KLHDC2: variants seen among roughly 807,000 people sequenced by gnomAD.
The protein encoded by KLHDC2 is kelch domain containing 2, also known as kelch domain-containing protein 2.
Under a neutral mutation model 62.3 loss-of-function variants are expected in KLHDC2, and 38 were observed. The ratio of observed to expected loss-of-function variants is 0.61; its 90% CI spans 0.47 to 0.80. The LOEUF is 0.80. Ranked by LOEUF, KLHDC2 falls within the 30% of genes least tolerant of loss-of-function variation. The probability of loss-of-function intolerance (pLI) is 0.00; values close to 1 mark genes in which losing one functional copy is unlikely to be tolerated. For synonymous variants in KLHDC2, 159 were observed against 161.0 expected (o/e 0.99, Z 0.09); for missense variants, 430 against 495.3 (o/e 0.87, Z 1.25).
intron 1 of KLHDC2, 137 bp downstream of exon 1, chr14:49,768,758 C>T (rs907340963): frequency 9.0e-6 from 7 of 774,466 alleles, no homozygotes; most frequent in South Asian, 2.1e-5. Context: ...AGACTCTGCC[C>T]GTTGGTTGTT....
At position 49,784,779 on chromosome 14, in the gene KLHDC2, A is replaced by G; in HGVS notation, c.*1826A>G. Reference sequence around the variant, plus strand: ...GGTCAATCATGTTTCTTTTATGACAAAAACGAAAAACATTTCCAAACTTTT... The same window carrying G: ...GGTCAATCATGTTTCTTTTATGACAGAAACGAAAAACATTTCCAAACTTTT... On this transcript the variant is annotated 3_prime_UTR_variant, in exon 13 of 13. Coordinates refer to ENST00000298307, the MANE Select transcript of KLHDC2 (RefSeq NM_014315.3). 4.0e-6 allele frequency: 6 copies of G among 1,483,474 alleles called. No individual in the cohort carries two copies. The highest frequency in any genetic ancestry group is 1.2e-5 in the South Asian group (1 of 84,330). The allele number at this position is 1,483,474 out of a possible 1,614,324, so 91.9% of individuals were successfully genotyped here.
intron 9 of KLHDC2, 90 bp downstream of exon 9, chr14:49,780,412 G>A: frequency 1.1e-6 from 1 of 889,436 alleles, no homozygotes; most frequent in Admixed American, 1.9e-5. Context: ...TGATGAGACG[G>A]CTTATAGGGT....
Position 49,770,425 on chromosome 14 carries a change from AAAG to A in KLHDC2, c.154-1165_154-1163del, listed in dbSNP as rs572609821. Among the ~76,000 whole-genome samples, 39 of 152,312 alleles carry A rather than the reference AAAG, an allele frequency of 2.6e-4. No homozygotes were observed. The East Asian group carries it at 2.7e-3, about 11-fold the overall frequency. ...TCCCTTCATCACTGGTGGGGTGGAA[AAAG>A]AAGTTGTTTTACGTGGTCAACTGTT... On this transcript the variant is annotated intron_variant, in intron 1 of 12. Coordinates refer to ENST00000298307, the MANE Select transcript of KLHDC2 (RefSeq NM_014315.3).
At chr14:49,775,824 G>A (rs940789046) in intron 3 of KLHDC2, among the ~76,000 whole-genome samples, 6 of 151,864 alleles carry the variant, frequency 4.0e-5, no homozygotes, top group African/African-American at 1.5e-4. Flanking sequence ...ACAGGGTTTC[G>A]CCACGTTGGC....
At chr14:49,771,175 CCT>C (rs1343523308) in intron 1 of KLHDC2, among the ~76,000 whole-genome samples, 9 of 151,974 alleles carry the variant, frequency 5.9e-5, no homozygotes, top group African/African-American at 2.2e-4. Flanking sequence ...ATGGTGAAAC[CCT>C]GTCTCTACTA....
chr14:49,770,028 T>A (rs1188026128), intron 1 of KLHDC2, among the ~76,000 whole-genome samples: 2 of 152,102 alleles, frequency 1.3e-5, no homozygotes, highest in Non-Finnish European at 2.9e-5. Flanking sequence ...GTAAATTAAT[T>A]CCCCTGGAGA....
At chr14:49,777,994 A>C in intron 4 of KLHDC2, 40 bp downstream of exon 4, 1 of 1,277,080 alleles carries the variant, frequency 7.8e-7, no homozygotes, top group Admixed American at 1.8e-5. Context: ...TTTATGTGTA[A>C]AGTGGTTTAC....
intron 9 of KLHDC2, 61 bp from the exon 10 acceptor site, chr14:49,780,642 C>A: frequency 1.8e-6 from 2 of 1,082,654 alleles, no homozygotes; most frequent in Non-Finnish European, 2.9e-6. Flanking sequence ...CAAAGCTGTG[C>A]CCTTTAAATG....
intron 9 of KLHDC2, 128 bp from the exon 10 acceptor site, chr14:49,780,575 G>A (rs1889873584): frequency 4.1e-6 from 3 of 736,640 alleles, no homozygotes; most frequent in Non-Finnish European, 4.8e-6. Context: ...TTGCAGGGGG[G>A]GGAAAAAAAA....
At position 49,783,096 on chromosome 14, in the gene KLHDC2, C is replaced by CTATT. The variant is rs1889988739; in HGVS notation, c.*145_*148dup. 2 of 690,494 alleles carry CTATT rather than the reference C, an allele frequency of 2.9e-6. No homozygotes were observed. Among genetic ancestry groups the CTATT allele is most frequent in the Non-Finnish European group, 4.5e-6 (2 of 447,378 alleles). The allele number at this position is 690,494 out of a possible 1,614,324, so 42.8% of individuals were successfully genotyped here. On this transcript the variant is annotated 3_prime_UTR_variant, in exon 13 of 13. Coordinates refer to ENST00000298307, the MANE Select transcript of KLHDC2 (RefSeq NM_014315.3). The stretch of plus-strand genomic sequence containing the variant: ...TGTGCATGTGAATGGCCTAGAGAAC[C>CTATT]TATTTTTGTGTCTAAAGTTTACAAT...
Position 49,780,753 on chromosome 14 carries a change from C to A in KLHDC2, c.934C>A (p.His312Asn), listed in dbSNP as rs747449351. The change falls in exon 10 of 13, where the codon CAT becomes AAT. Residue 312 changes from histidine to asparagine, a missense_variant. His to Asn is a moderately conservative substitution (Grantham distance 68, BLOSUM62 1). Transcript: ENST00000298307. The part of the protein sequence containing the change: ...ISKNEWIQFN[H>N]PYTEKPRLWH... The stretch of plus-strand genomic sequence containing the variant: ...TAAAAATGAATGGATACAATTTAAT[C>A]ATCCATATACCGAAAAACCAAGGTA... 1 of 1,601,230 alleles carries A rather than the reference C, an allele frequency of 6.2e-7. No individual in the cohort carries two copies. The highest frequency in any genetic ancestry group is 1.1e-5 in the South Asian group (1 of 90,796).
rs375541908 is a variant in KLHDC2, at chr14:49,771,590, T to G, written c.154-4T>G. ...TTTATATTTACAATTTTTTTTATTC[T>G]TAGAGTAATCAAGTCAGAGGATTAT... On this transcript the variant is annotated splice_region_variant and splice_polypyrimidine_tract_variant and intron_variant, in intron 1 of 12. Transcript: ENST00000298307. The G allele has an allele frequency of 3.7e-6, 5 of 1,333,896 alleles. No individual in the cohort carries two copies. The highest frequency in any genetic ancestry group is 5.4e-6 in the Non-Finnish European group (5 of 930,232). The allele number at this position is 1,333,896 out of a possible 1,614,324, so 82.6% of individuals were successfully genotyped here. A position where few individuals can be genotyped will look rare whatever the true frequency, so the allele number is the denominator to read the frequency against.
At chr14:49,782,077 C>T (rs766481863) in intron 10 of KLHDC2, 36 of 343,328 alleles carry the variant, frequency 1.0e-4, no homozygotes, top group Non-Finnish European at 1.7e-4. Context: ...GCATATACTA[C>T]TCAGCTCCCA....
intron 1 of KLHDC2, among the ~76,000 whole-genome samples, chr14:49,771,075 C>T (rs534806677): frequency 6.6e-6 from 1 of 151,678 alleles, no homozygotes; most frequent in East Asian, 1.9e-4. Context: ...TGGCTGGGCA[C>T]AATGGCTCAC....
At chr14:49,781,139 G>A (rs1269497881) in intron 10 of KLHDC2, among the ~76,000 whole-genome samples, 1 of 152,120 alleles carries the variant, frequency 6.6e-6, no homozygotes, top group African/African-American at 2.4e-5. Flanking sequence ...TTAGGAGGCT[G>A]AGGCAGGTGG....
In KLHDC2 at chr14:49,771,627, C is replaced by A. The variant is rs1049486053; in HGVS notation, c.187C>A (p.Leu63Met). 6.6e-7 allele frequency: 1 copy of A among 1,526,068 alleles called. No homozygotes were observed. Among genetic ancestry groups the A allele is most frequent in the Non-Finnish European group, 9.1e-7 (1 of 1,100,284 alleles). The allele number at this position is 1,526,068 out of a possible 1,614,324, so 94.5% of individuals were successfully genotyped here. ...AGTCAGAGGATTATATGACTTTTATCTGCCTAGAGAAGAACTATGGATCTA... is the reference window on the plus strand; with the variant it reads ...AGTCAGAGGATTATATGACTTTTATATGCCTAGAGAAGAACTATGGATCTA... Reference protein sequence around the residue: ...NQVRGLYDFYLPREELWIYNM... With the variant: ...NQVRGLYDFYMPREELWIYNM... The change falls in exon 2 of 13, where the codon CTG (leucine) becomes ATG (methionine). Residue 63 changes from leucine to methionine, a missense_variant. Transcript: ENST00000298307.
At position 49,784,885 on chromosome 14, in the gene KLHDC2, C is replaced by T; in HGVS notation, c.*1932C>T. 2.0e-6 allele frequency: 3 copies of T among 1,533,080 alleles called. No individual in the cohort carries two copies. The highest frequency in any genetic ancestry group is 1.1e-5 in the South Asian group (1 of 88,432). The allele number at this position is 1,533,080 out of a possible 1,614,324, so 95.0% of individuals were successfully genotyped here. On this transcript the variant is annotated 3_prime_UTR_variant, in exon 13 of 13. Coordinates refer to ENST00000298307, the MANE Select transcript of KLHDC2 (RefSeq NM_014315.3). ...AAAACTGCTAACATTTTAAATTGTA[C>T]TGTCAGTCTCCACATTCCTTTTCTG...
Position 49,779,806 on chromosome 14 carries a change from T to G in KLHDC2, c.773T>G (p.Leu258Ter). 1 of 1,602,092 alleles carries G rather than the reference T, an allele frequency of 6.2e-7. No individual in the cohort carries two copies. The highest frequency in any genetic ancestry group is 1.1e-5 in the South Asian group (1 of 90,766). ...CTGGATACATGGGAGTGGAATGAAT[T>G]GTAGGTATCACTTTAGATACATTTT... ...LNLDTWEWNELIPQGICPVGR... is the reference protein window; with the variant it reads ...LNLDTWEWNE The change falls in exon 8 of 13, where the codon TTA (leucine) becomes TGA (stop). Residue 258 changes from leucine to a stop codon, truncating the protein, a stop_gained and splice_region_variant. Coordinates refer to ENST00000298307, the MANE Select transcript of KLHDC2 (RefSeq NM_014315.3). LOFTEE classifies it high-confidence loss of function.
chr14:49,775,662 T>C (rs922113538), intron 3 of KLHDC2, among the ~76,000 whole-genome samples: 7 of 141,464 alleles, frequency 4.9e-5, no homozygotes, highest in Non-Finnish European at 9.0e-5. Context: ...AGTCTCGCTC[T>C]GTCGCCCAGG....
Sources: gnomAD v4.1 joint callset for allele counts (sites outside exome capture counted in the v4.1 genomes callset) on GRCh38, gnomAD v4.1.1 for gene constraint, MANE v1.5 for transcripts, NCBI Gene and HGNC (gene_info 2026-07-23, HGNC 2026-07-21) for gene names.